The following ATXN1 variants were observed in gnomAD, a reference collection of about 807,000 sequenced individuals.
The protein encoded by ATXN1 is ataxin-1.
ATXN1 carries 8 observed loss-of-function variants against 56.4 expected under a neutral mutation model. That is an observed-to-expected ratio of 0.14 (90% CI 0.08 to 0.26). The LOEUF (loss-of-function observed/expected upper bound fraction) is 0.26, where lower values mean the gene tolerates loss of function less well. Ranked by LOEUF, ATXN1 falls within the 10% of genes least tolerant of loss-of-function variation. The probability of loss-of-function intolerance (pLI) is 1.00; values close to 1 mark genes in which losing one functional copy is unlikely to be tolerated. For synonymous variants in ATXN1, 514 were observed against 494.6 expected (o/e 1.04, Z -0.52); for missense variants, 987 against 1,106.5 (o/e 0.89, Z 1.53).
intron 6 of ATXN1, among the ~76,000 whole-genome samples, chr6:16,342,812 T>C (rs1269519262): frequency 6.6e-6 from 1 of 152,154 alleles, no homozygotes; most frequent in Non-Finnish European, 1.5e-5. Flanking sequence ...CTATGAGGAA[T>C]CTAGAATAGT....
chr6:16,395,820 A>C (rs1343606659), intron 6 of ATXN1, among the ~76,000 whole-genome samples: 1 of 152,036 alleles, frequency 6.6e-6, no homozygotes, highest in East Asian at 1.9e-4. Context: ...GATCGAGACC[A>C]TCCTGGCCAA....
intron 2 of ATXN1, among the ~76,000 whole-genome samples, chr6:16,729,156 C>T (rs1759912659): frequency 6.6e-6 from 1 of 152,154 alleles, no homozygotes; most frequent in South Asian, 2.1e-4. Context: ...TATCTGGTCA[C>T]AAAGTTTGTT....
intron 5 of ATXN1, among the ~76,000 whole-genome samples, chr6:16,486,555 CT>C (rs1428058642): frequency 6.6e-6 from 1 of 152,152 alleles, no homozygotes; most frequent in Non-Finnish European, 1.5e-5. Context: ...GGTCATAAGC[CT>C]GTTCCTGAGC....
chr6:16,755,574 T>C (rs940136176), intron 1 of ATXN1, among the ~76,000 whole-genome samples: 10 of 152,122 alleles, frequency 6.6e-5, no homozygotes, highest in East Asian at 1.9e-4. Flanking sequence ...AAAATAAAGT[T>C]TGCCATACAC....
intron 6 of ATXN1, among the ~76,000 whole-genome samples, chr6:16,353,061 G>A (rs948550502): frequency 6.6e-6 from 1 of 152,102 alleles, no homozygotes; most frequent in East Asian, 1.9e-4. Context: ...GTTAGGATGG[G>A]GTAAGGCGTG....
chr6:16,620,334 C>A (rs1483832425), intron 3 of ATXN1, among the ~76,000 whole-genome samples: 1 of 150,770 alleles, frequency 6.6e-6, no homozygotes, highest in Non-Finnish European at 1.5e-5. Context: ...ACTATAATTT[C>A]CAACCATAAT....
chr6:16,475,126 A>G (rs1313034079), intron 6 of ATXN1, among the ~76,000 whole-genome samples: 4 of 152,146 alleles, frequency 2.6e-5, no homozygotes, highest in Non-Finnish European at 5.9e-5. Context: ...TGTGCCTTTC[A>G]GTTTGACTAA....
chr6:16,702,551 C>A (rs1261959130), intron 2 of ATXN1, among the ~76,000 whole-genome samples: 1 of 152,134 alleles, frequency 6.6e-6, no homozygotes, highest in Non-Finnish European at 1.5e-5. Context: ...AACAGGCAAC[C>A]TACAGAATGG....
chr6:16,513,242 A>G (rs1761115440), intron 5 of ATXN1, among the ~76,000 whole-genome samples: 2 of 152,246 alleles, frequency 1.3e-5, no homozygotes. Context: ...GGCAGAGATC[A>G]CTGTTTGTGC....
intron 6 of ATXN1, among the ~76,000 whole-genome samples, chr6:16,403,760 C>T (rs755424428): frequency 3.9e-5 from 6 of 152,162 alleles, no homozygotes; most frequent in Non-Finnish European, 7.4e-5. Context: ...CTCTCCTCAT[C>T]CTGAAAAAAA....
intron 6 of ATXN1, among the ~76,000 whole-genome samples, chr6:16,345,566 T>C (rs1478342433): frequency 6.6e-6 from 1 of 152,192 alleles, no homozygotes; most frequent in East Asian, 1.9e-4. Context: ...ATTAGGGGTA[T>C]GACTCACACT....
At chr6:16,607,283 T>G (rs774783649) in intron 3 of ATXN1, among the ~76,000 whole-genome samples, 1 of 152,204 alleles carries the variant, frequency 6.6e-6, no homozygotes, top group Admixed American at 6.5e-5. Context: ...AGTGAAAGGG[T>G]TGGCGTAAGG....
At chr6:16,679,445 AG>A (rs1273999743) in intron 2 of ATXN1, among the ~76,000 whole-genome samples, 1 of 152,070 alleles carries the variant, frequency 6.6e-6, no homozygotes, top group East Asian at 1.9e-4. Context: ...AAAGGGAGAA[AG>A]GGGGGACAGA....
intron 6 of ATXN1, among the ~76,000 whole-genome samples, chr6:16,354,061 G>A (rs774757438): frequency 3.5e-4 from 53 of 152,194 alleles, no homozygotes; most frequent in Non-Finnish European, 6.6e-4. Context: ...AAGTCTTGCC[G>A]GTCACACCAC....
At chr6:16,736,249 T>C (rs934246723) in intron 2 of ATXN1, among the ~76,000 whole-genome samples, 6 of 152,206 alleles carry the variant, frequency 3.9e-5, no homozygotes, top group Admixed American at 3.9e-4. Context: ...ACCTGGTAAG[T>C]TTTTAGAAAC....
In ATXN1 at chr6:16,691,807, G is replaced by A. The variant is rs143414224; in HGVS notation, c.-614-33906C>T. On this transcript the variant is annotated intron_variant, in intron 2 of 7. Transcript: ENST00000436367. ...TGTGTGCCTCCAAAATTCACATGTC[G>A]AATCCTAACTCCCCACGTGATAGTA... Among the ~76,000 whole-genome samples, 10 of 152,302 alleles carry A rather than the reference G, an allele frequency of 6.6e-5. No individual in the cohort carries two copies. In the East Asian group the frequency reaches 1.5e-3, roughly 24 times the overall value.
intron 3 of ATXN1, among the ~76,000 whole-genome samples, chr6:16,628,990 A>G (rs1236017075): frequency 2.6e-5 from 4 of 152,204 alleles, no homozygotes. Flanking sequence ...ATACCCAGTA[A>G]TGGGATTGCT....
At position 16,326,492 on chromosome 6, in the gene ATXN1, C is replaced by T. The variant is rs535095207; in HGVS notation, c.1819G>A (p.Asp607Asn). ...ACGGTGCTGGAGTCGATCTTCAGGT[C>T]GTTGCTTATCTCTGCACTCTGGATG... ...DFIQSAEISN[D>N]LKIDSSTVER... Residue 607 changes from aspartate (D) to asparagine (N), a missense_variant, in exon 7 of 8, where the codon GAC becomes AAC. Around this residue, in one of 3 missense-constraint regions of ATXN1, gnomAD observed 68 missense variants for 118.1 expected, o/e 0.58. Coordinates refer to ENST00000436367, the MANE Select transcript of ATXN1 (RefSeq NM_001128164.2). The surrounding 1 kb of genome is among the most constrained non-coding windows in gnomAD (Gnocchi z 6.6). 5.6e-6 allele frequency: 9 copies of T among 1,614,158 alleles called. 1 individual carries two copies. Among genetic ancestry groups the T allele is most frequent in the South Asian group, 5.5e-5 (5 of 91,060 alleles).
chr6:16,452,926 G>T (rs975701137), intron 6 of ATXN1, among the ~76,000 whole-genome samples: 1 of 152,168 alleles, frequency 6.6e-6, no homozygotes, highest in Non-Finnish European at 1.5e-5. Flanking sequence ...TAGCTGACTA[G>T]ATTTTTTAAA....
Sources: allele counts gnomAD v4.1 joint callset (sites outside exome capture counted in the v4.1 genomes callset), GRCh38; gene constraint gnomAD v4.1.1; regional missense constraint gnomAD v4.1.1; non-coding constraint Gnocchi (gnomAD v3.1); transcripts MANE v1.5; gene names NCBI Gene and HGNC (gene_info 2026-07-23, HGNC 2026-07-21).